COL26A1: variants seen among roughly 807,000 people sequenced by gnomAD.
The protein encoded by COL26A1 is collagen type XXVI alpha 1 chain.
COL26A1 carries 41 observed loss-of-function variants against 59.3 expected under a neutral mutation model. That is an observed-to-expected ratio of 0.69 (90% confidence interval 0.54 to 0.90). COL26A1 has a LOEUF of 0.90. Ranked by LOEUF, COL26A1 falls within the 40% of genes least tolerant of loss-of-function variation. COL26A1 has a pLI of 0.00. For missense variants in COL26A1, 612 were observed against 602.3 expected, an observed-to-expected ratio of 1.02 and a Z score of -0.17; for synonymous variants, 266 against 256.0, an observed-to-expected ratio of 1.04 and a Z score of -0.37.
At chr7:101,500,228 C>T (rs1054417891) in intron 3 of COL26A1, among the ~76,000 whole-genome samples, 1 of 151,894 alleles carries the variant, frequency 6.6e-6, no homozygotes, top group Non-Finnish European at 1.5e-5. Flanking sequence ...AGGGTTGAAG[C>T]GGGGATTGCC....
intron 1 of COL26A1, among the ~76,000 whole-genome samples, chr7:101,403,955 G>A (rs1267560527): frequency 2.0e-5 from 3 of 152,118 alleles, no homozygotes; most frequent in Non-Finnish European, 2.9e-5. Flanking sequence ...ATTTGCCGGT[G>A]TGCTGGTGGG....
intron 3 of COL26A1, among the ~76,000 whole-genome samples, chr7:101,503,905 TC>T (rs1794754395): frequency 2.6e-5 from 4 of 152,242 alleles, no homozygotes; most frequent in African/African-American, 9.6e-5. Flanking sequence ...GCCTGCCACT[TC>T]CTGTTTCACA....
At chr7:101,414,367 C>T (rs1584386831) in intron 1 of COL26A1, among the ~76,000 whole-genome samples, 2 of 150,836 alleles carry the variant, frequency 1.3e-5, no homozygotes. Flanking sequence ...ATTAAACCAT[C>T]CTGAGGAAAG....
intron 3 of COL26A1, among the ~76,000 whole-genome samples, chr7:101,463,896 T>TCTTC (rs1562993504): frequency 9.0e-4 from 57 of 63,046 alleles, no homozygotes; most frequent in African/African-American, 3.1e-3. Context: ...TTTCTTTCTT[T>TCTTC]CTTTCTTTTT....
intron 2 of COL26A1, among the ~76,000 whole-genome samples, chr7:101,447,329 G>C (rs571653324): frequency 6.6e-6 from 1 of 152,194 alleles, no homozygotes; most frequent in African/African-American, 2.4e-5. Flanking sequence ...AGGTAAGAAG[G>C]GGGTCTTTTT....
At chr7:101,427,331 G>A (rs1792672668) in intron 2 of COL26A1, among the ~76,000 whole-genome samples, 1 of 151,946 alleles carries the variant, frequency 6.6e-6, no homozygotes, top group African/African-American at 2.4e-5. Context: ...CTGAGTAGCT[G>A]GGACTACAGG....
intron 3 of COL26A1, among the ~76,000 whole-genome samples, chr7:101,483,827 A>C (rs1794208192): frequency 6.6e-6 from 1 of 151,880 alleles, no homozygotes; most frequent in African/African-American, 2.4e-5. Flanking sequence ...GGCACACACC[A>C]CCACTCCTGG....
At chr7:101,485,774 A>G (rs1212028193) in intron 3 of COL26A1, among the ~76,000 whole-genome samples, 1 of 152,096 alleles carries the variant, frequency 6.6e-6, no homozygotes, top group African/African-American at 2.4e-5. Flanking sequence ...GAGCAGTGGG[A>G]GGCAGAGGGC....
chr7:101,515,388 A>G (rs1384412190), intron 3 of COL26A1, among the ~76,000 whole-genome samples: 1 of 151,662 alleles, frequency 6.6e-6, no homozygotes, highest in African/African-American at 2.4e-5. Context: ...GGTTCAAGTG[A>G]TTCTCCTGCC....
In COL26A1 at chr7:101,545,340, C is replaced by CTCCTGGGGCCTCCAGGGCCCCGTGGGCT. The variant is rs766602200; in HGVS notation, c.713_740dup (p.Glu248AlafsTer107). Reference sequence around the variant, plus strand: ...GACTGTTCTTTTCCTCATTGCAGGGCTCCTGGGGCCTCCAGGGCCCCGTGG... The same window carrying CTCCTGGGGCCTCCAGGGCCCCGTGGGCT: ...GACTGTTCTTTTCCTCATTGCAGGGCTCCTGGGGCCTCCAGGGCCCCGTGGGCTTCCTGGGGCCTCCAGGGCCCCGTGG... On this transcript the variant is annotated frameshift_variant, in exon 7 of 13. Coordinates refer to ENST00000313669, the MANE Select transcript of COL26A1 (RefSeq NM_001278563.3). LOFTEE classifies it high-confidence loss of function. The CTCCTGGGGCCTCCAGGGCCCCGTGGGCT allele has an allele frequency of 2.6e-6, 4 of 1,566,136 alleles. No homozygotes were observed. Among genetic ancestry groups the CTCCTGGGGCCTCCAGGGCCCCGTGGGCT allele is most frequent in the South Asian group, 2.3e-5 (2 of 85,496 alleles).
At chr7:101,470,679 A>T (rs1277215269) in intron 3 of COL26A1, among the ~76,000 whole-genome samples, 1 of 152,034 alleles carries the variant, frequency 6.6e-6, no homozygotes, top group African/African-American at 2.4e-5. Flanking sequence ...GTCCCAGAAC[A>T]TTCAGGTGCT....
chr7:101,467,368 A>T (rs1471186888), intron 3 of COL26A1, among the ~76,000 whole-genome samples: 1 of 109,342 alleles, frequency 9.1e-6, no homozygotes, highest in Non-Finnish European at 1.9e-5. Context: ...GGGCGGGGGG[A>T]GGATGGGGGG....
chr7:101,366,976 G>A (rs1314214248), intron 1 of COL26A1, among the ~76,000 whole-genome samples: 2 of 152,034 alleles, frequency 1.3e-5, no homozygotes, highest in Admixed American at 6.6e-5. Flanking sequence ...CGATGTCCAC[G>A]TACTAGATTT....
intron 5 of COL26A1, among the ~76,000 whole-genome samples, chr7:101,542,349 C>T (rs528727039): frequency 4.6e-5 from 7 of 152,248 alleles, no homozygotes; most frequent in African/African-American, 1.7e-4. Context: ...GTGATCCACC[C>T]GCCTCGGCCT....
At chr7:101,496,173 C>T (rs1399655669) in intron 3 of COL26A1, among the ~76,000 whole-genome samples, 1 of 152,182 alleles carries the variant, frequency 6.6e-6, no homozygotes, top group Non-Finnish European at 1.5e-5. Flanking sequence ...GTTGCATTTC[C>T]CAAGACCATC....
At chr7:101,479,156 C>T (rs1368653539) in intron 3 of COL26A1, among the ~76,000 whole-genome samples, 1 of 152,208 alleles carries the variant, frequency 6.6e-6, no homozygotes, top group Non-Finnish European at 1.5e-5. Context: ...CAATTGCTCT[C>T]CAAACTCAGT....
chr7:101,508,209 G>A (rs868080006), intron 3 of COL26A1, among the ~76,000 whole-genome samples: 1 of 152,126 alleles, frequency 6.6e-6, no homozygotes, highest in African/African-American at 2.4e-5. Context: ...TCCCAGCTCC[G>A]TCATGTAACT....
chr7:101,532,447 G>C lies in COL26A1; in HGVS notation c.386-635G>C, dbSNP rs560062651. On this transcript the variant is annotated intron_variant, in intron 3 of 12. Transcript: ENST00000313669. ...TGTTCTGAGTTGGCCAACCTGCCCT[G>C]TTCTCACTCCCCTCCCAGCCTCAGA... Among the ~76,000 whole-genome samples, 174 of 152,226 alleles carry C rather than the reference G, an allele frequency of 1.1e-3. 2 individuals carry two copies. The highest frequency in any genetic ancestry group is 1.1e-3 in the African/African-American group (45 of 41,536).
intron 3 of COL26A1, among the ~76,000 whole-genome samples, chr7:101,522,344 A>G (rs556914147): frequency 6.6e-6 from 1 of 152,312 alleles, no homozygotes; most frequent in African/African-American, 2.4e-5. Flanking sequence ...TCGTATATCC[A>G]TCTGTCTCAG....
Sources: allele counts gnomAD v4.1 joint callset (sites outside exome capture counted in the v4.1 genomes callset), GRCh38; gene constraint gnomAD v4.1.1; transcripts MANE v1.5; gene names NCBI Gene and HGNC (gene_info 2026-07-23, HGNC 2026-07-21).